PPP1R9A: variants seen among roughly 807,000 people sequenced by gnomAD.
PPP1R9A encodes the protein protein phosphatase 1 regulatory subunit 9A, also known as neurabin-1.
Under a neutral mutation model 141.9 loss-of-function variants are expected in PPP1R9A, and 59 were observed. The ratio of observed to expected loss-of-function variants is 0.42; its 90% CI spans 0.34 to 0.52. The LOEUF is 0.52. PPP1R9A is among the 20% of genes least tolerant of loss of function. The pLI, the probability that PPP1R9A is intolerant of heterozygous loss-of-function variation, is 0.10. For synonymous variants in PPP1R9A, 500 were observed against 569.7 expected (o/e 0.88, Z 1.74); for missense variants, 1,444 against 1,611.9 (o/e 0.90, Z 1.78).
At chr7:95,108,871 A>G (rs1820053486) in intron 2 of PPP1R9A, 1 of 152,188 alleles carries the variant, frequency 6.6e-6, no homozygotes, top group South Asian at 2.1e-4. Flanking sequence ...ACTTACTAGT[A>G]TTAGTGAAAT....
chr7:94,911,230 G>T lies in PPP1R9A; in HGVS notation c.1117G>T (p.Asp373Tyr), dbSNP rs754420567. 6.2e-7 allele frequency: 1 copy of T among 1,614,204 alleles called. No homozygotes were observed. The highest frequency in any genetic ancestry group is 8.5e-7 in the Non-Finnish European group (1 of 1,180,024). Residue 373 changes from aspartate to tyrosine, a missense_variant, in exon 2 of 20, where the codon GAT becomes TAT. Transcript: ENST00000433360. ...ELAGGDFTSP[D>Y]ASASSCGKEV... The stretch of plus-strand genomic sequence containing the variant: ...TGCAGGTGGTGATTTCACCTCTCCT[G>T]ATGCTTCTGCATCCAGTTGTGGAAA...
intron 2 of PPP1R9A, among the ~76,000 whole-genome samples, chr7:94,968,658 G>A (rs1482284756): frequency 1.3e-5 from 2 of 152,120 alleles, no homozygotes; most frequent in African/African-American, 4.8e-5. Flanking sequence ...TTGCCAGTCT[G>A]TGTCTTTTAA....
intron 19 of PPP1R9A, among the ~76,000 whole-genome samples, chr7:95,289,098 C>A (rs535436523): frequency 1.5e-4 from 23 of 152,152 alleles, no homozygotes; most frequent in Non-Finnish European, 3.4e-4. Flanking sequence ...TTGTTCATTT[C>A]TCCTTCACCT....
intron 2 of PPP1R9A, among the ~76,000 whole-genome samples, chr7:95,073,002 T>A (rs1814216671): frequency 7.2e-6 from 1 of 138,426 alleles, no homozygotes; most frequent in Non-Finnish European, 1.5e-5. Flanking sequence ...TATTATTATT[T>A]TGAGACAGAG....
At chr7:95,065,460 T>G (rs1352760719) in intron 2 of PPP1R9A, among the ~76,000 whole-genome samples, 2 of 152,210 alleles carry the variant, frequency 1.3e-5, no homozygotes, top group East Asian at 3.9e-4. Flanking sequence ...TTAGTAAGTA[T>G]GGTGATTTAA....
At chr7:95,143,891 A>T (rs560256744) in intron 4 of PPP1R9A, among the ~76,000 whole-genome samples, 1 of 152,220 alleles carries the variant, frequency 6.6e-6, no homozygotes, top group South Asian at 2.1e-4. Context: ...ATTAACAAGT[A>T]AAAATTGTGA....
intron 8 of PPP1R9A, among the ~76,000 whole-genome samples, chr7:95,243,129 A>G (rs969961743): frequency 1.1e-4 from 17 of 152,272 alleles, no homozygotes; most frequent in Admixed American, 9.2e-4. Flanking sequence ...ACTTGGGTCC[A>G]TCTTGCTCAC....
chr7:95,031,370 C>G (rs1807657279), intron 2 of PPP1R9A, among the ~76,000 whole-genome samples: 1 of 152,050 alleles, frequency 6.6e-6, no homozygotes, highest in African/African-American at 2.4e-5. Context: ...TTTAAAGAAA[C>G]CCTATTTGGA....
At chr7:95,181,159 G>A (rs1833683687) in intron 5 of PPP1R9A, among the ~76,000 whole-genome samples, 1 of 146,306 alleles carries the variant, frequency 6.8e-6, no homozygotes, top group Non-Finnish European at 1.5e-5. Context: ...TATAGAAACT[G>A]TGATATATAT....
In PPP1R9A at chr7:94,942,600, C is replaced by T. The variant is rs566730839; in HGVS notation, c.1395+31092C>T. Reference sequence around the variant, plus strand: ...GGTGGATCACCTGAAGTCAGGAGTTCGAGGCAAGCCTGGCCAACATAATGA... The same window carrying T: ...GGTGGATCACCTGAAGTCAGGAGTTTGAGGCAAGCCTGGCCAACATAATGA... On this transcript the variant is annotated intron_variant, in intron 2 of 19. Coordinates refer to ENST00000433360, the MANE Select transcript of PPP1R9A (RefSeq NM_001166160.2). 3.3e-5 allele frequency among the ~76,000 whole-genome samples: 5 copies of T among 151,922 alleles called. No individual in the cohort carries two copies. The South Asian group carries it at 8.3e-4, about 25-fold the overall frequency.
chr7:95,113,918 T>C (rs553943928), intron 3 of PPP1R9A, among the ~76,000 whole-genome samples: 8 of 152,340 alleles, frequency 5.3e-5, no homozygotes, highest in African/African-American at 1.9e-4. Flanking sequence ...ACTAGTCATA[T>C]TACACCAAAC....
At chr7:95,043,436 A>G (rs181749795) in intron 2 of PPP1R9A, among the ~76,000 whole-genome samples, 1 of 152,198 alleles carries the variant, frequency 6.6e-6, no homozygotes, top group Non-Finnish European at 1.5e-5. Context: ...TGGAGTCCTG[A>G]TAAGTAAGCA....
At chr7:95,219,570 A>G (rs889517409) in intron 7 of PPP1R9A, among the ~76,000 whole-genome samples, 2 of 152,136 alleles carry the variant, frequency 1.3e-5, no homozygotes, top group African/African-American at 2.4e-5. Context: ...GTGTTTTCCA[A>G]CTTGGTTCCA....
At chr7:94,929,720 A>C (rs1793928588) in intron 2 of PPP1R9A, among the ~76,000 whole-genome samples, 1 of 151,962 alleles carries the variant, frequency 6.6e-6, no homozygotes, top group African/African-American at 2.4e-5. Flanking sequence ...TTAGAAAACC[A>C]CTCTAATAGA....
intron 2 of PPP1R9A, among the ~76,000 whole-genome samples, chr7:95,085,814 A>T (rs1359509792): frequency 6.6e-6 from 1 of 151,982 alleles, no homozygotes; most frequent in African/African-American, 2.4e-5. Context: ...GGAGTTTTAA[A>T]TTTTAATACT....
intron 2 of PPP1R9A, among the ~76,000 whole-genome samples, chr7:95,088,851 G>A (rs1036117681): frequency 6.6e-6 from 1 of 152,028 alleles, no homozygotes; most frequent in East Asian, 1.9e-4. Context: ...ATTTACTGCT[G>A]AGACTGGAAA....
intron 2 of PPP1R9A, among the ~76,000 whole-genome samples, chr7:95,001,428 A>AAAAAGTTC (rs1220575209): frequency 6.6e-6 from 1 of 152,200 alleles, no homozygotes; most frequent in Non-Finnish European, 1.5e-5. Context: ...TATAAAGGCA[A>AAAAAGTTC]AAAAGTTCAA....
chr7:95,082,700 A>G (rs1233657446), intron 2 of PPP1R9A, among the ~76,000 whole-genome samples: 1 of 151,120 alleles, frequency 6.6e-6, no homozygotes, highest in African/African-American at 2.4e-5. Context: ...TGATCATGCC[A>G]CTGCACCCCA....
chr7:94,921,095 T>G (rs73214320), intron 2 of PPP1R9A, among the ~76,000 whole-genome samples: 2,745 of 152,244 alleles, frequency 0.018, 53 homozygotes, highest in Non-Finnish European at 0.025. Context: ...GAGTTTTCTT[T>G]TCATGGTTAG....
Sources: allele counts gnomAD v4.1 joint callset (sites outside exome capture counted in the v4.1 genomes callset), GRCh38; gene constraint gnomAD v4.1.1; transcripts MANE v1.5; gene names NCBI Gene and HGNC (gene_info 2026-07-23, HGNC 2026-07-21).